The following CYRIB variants were observed in gnomAD, a reference collection of about 807,000 sequenced individuals.
The protein encoded by CYRIB is CYFIP related Rac1 interactor B.
A neutral mutation model predicts 44.2 loss-of-function variants in CYRIB; 8 were observed. The ratio of observed to expected loss-of-function variants is 0.18; its 90% CI spans 0.11 to 0.33. The LOEUF (loss-of-function observed/expected upper bound fraction) is 0.33, where lower values mean the gene tolerates loss of function less well. Among genes scored for constraint, CYRIB ranks in the 10% least tolerant of loss-of-function variants. The pLI is 1.00. For missense variants in CYRIB, 185 were observed against 382.8 expected, an observed-to-expected ratio of 0.48 and a Z score of 4.31; for synonymous variants, 131 against 127.2, an observed-to-expected ratio of 1.03 and a Z score of -0.20.
At chr8:129,967,270 G>A (rs1449224664) in intron 2 of CYRIB, among the ~76,000 whole-genome samples, 1 of 152,118 alleles carries the variant, frequency 6.6e-6, no homozygotes, top group African/African-American at 2.4e-5. Flanking sequence ...TGGTCATGGT[G>A]GAAGTATTTA....
chr8:129,885,440 G>A (rs2062356335), intron 2 of CYRIB, among the ~76,000 whole-genome samples: 1 of 152,188 alleles, frequency 6.6e-6, no homozygotes, highest in South Asian at 2.1e-4. Flanking sequence ...ACTGGCCAGT[G>A]AGAAGGAAGG....
At chr8:129,941,518 C>A (rs762479629), upstream of CYRIB, among the ~76,000 whole-genome samples, 1 of 152,254 alleles carries the variant, frequency 6.6e-6, no homozygotes, top group Non-Finnish European at 1.5e-5. Context: ...AGGCAATCCA[C>A]CTGCCTGAGC....
At chr8:129,986,818 A>C (rs962190301) in intron 1 of CYRIB, among the ~76,000 whole-genome samples, 2 of 152,210 alleles carry the variant, frequency 1.3e-5, no homozygotes, top group Non-Finnish European at 2.9e-5. Context: ...CGGACAAGAC[A>C]CCAGGCAAAA....
At chr8:129,950,223 A>T (rs1045555621) in intron 2 of CYRIB, among the ~76,000 whole-genome samples, 4 of 152,102 alleles carry the variant, frequency 2.6e-5, no homozygotes, top group Non-Finnish European at 4.4e-5. Flanking sequence ...TGACAGTCAG[A>T]CCCCGGGCTT....
intron 1 of CYRIB, among the ~76,000 whole-genome samples, chr8:129,988,773 G>A (rs2096547953): frequency 6.6e-6 from 1 of 152,004 alleles, no homozygotes; most frequent in African/African-American, 2.4e-5. Context: ...ATTATGGCGG[G>A]TGGGGTTTTT....
intron 7 of CYRIB, 69 bp from the exon 10 acceptor site, chr8:129,852,347 A>G (rs1293527914): frequency 1.1e-6 from 1 of 946,900 alleles, no homozygotes; most frequent in African/African-American, 1.7e-5. Context: ...TTATACAAGG[A>G]CCCAGGCAGG....
chr8:129,984,536 C>T (rs1486841858), intron 1 of CYRIB, among the ~76,000 whole-genome samples: 2 of 152,180 alleles, frequency 1.3e-5, no homozygotes, highest in Admixed American at 1.3e-4. Flanking sequence ...CACAGGAACA[C>T]TGGGCTCTAG....
upstream of CYRIB, among the ~76,000 whole-genome samples, chr8:129,940,730 G>T (rs144347716): frequency 6.6e-6 from 1 of 152,238 alleles, no homozygotes; most frequent in African/African-American, 2.4e-5. Flanking sequence ...TCCCAGGGTT[G>T]TTTTCAGTTT....
At position 129,852,933 on chromosome 8, in the gene CYRIB, C is replaced by T. The variant is rs149358283; in HGVS notation, c.517-655G>A. Among the ~76,000 whole-genome samples the T allele has an allele frequency of 3.9e-5, 6 of 152,250 alleles. No homozygotes were observed. The East Asian group carries it at 1.2e-3, about 29-fold the overall frequency. ...TCAGTGTGTTAGATGAAAGGAATGA[C>T]AACTAAGTCAGTTTCCTAAAGAAAA... On this transcript the variant is annotated intron_variant, in intron 7 of 11. Transcript: ENST00000519824.
At chr8:129,963,096 G>T (rs1345182077) in intron 2 of CYRIB, among the ~76,000 whole-genome samples, 1 of 152,170 alleles carries the variant, frequency 6.6e-6, no homozygotes, top group Non-Finnish European at 1.5e-5. Flanking sequence ...TGAACTACTG[G>T]AACAGTGGCC....
chr8:130,016,860 G>A (rs976901622), upstream of CYRIB, among the ~76,000 whole-genome samples: 2 of 152,064 alleles, frequency 1.3e-5, no homozygotes, highest in Non-Finnish European at 1.5e-5. Flanking sequence ...CTGCGATTGG[G>A]GGTCATCGCC....
intron 2 of CYRIB, among the ~76,000 whole-genome samples, chr8:129,886,621 A>G (rs1234543724): frequency 6.6e-6 from 1 of 152,044 alleles, no homozygotes; most frequent in East Asian, 1.9e-4. Context: ...TGTGGCTTTT[A>G]TCCCCATCCC....
At chr8:129,922,874 CA>C (rs1007139741) in intron 1 of CYRIB, among the ~76,000 whole-genome samples, 1 of 147,038 alleles carries the variant, frequency 6.8e-6, no homozygotes, top group Non-Finnish European at 1.5e-5. Context: ...AAAAAAAAAA[CA>C]AAAAAAGATG....
At chr8:129,936,755 G>A (rs1342167697) in intron 1 of CYRIB, among the ~76,000 whole-genome samples, 1 of 144,640 alleles carries the variant, frequency 6.9e-6, no homozygotes, top group Non-Finnish European at 1.5e-5. Context: ...CGCCCAGGCT[G>A]GAGTGCAGTG....
chr8:129,871,839 CTA>C (rs2057345022), intron 3 of CYRIB, among the ~76,000 whole-genome samples: 1 of 152,082 alleles, frequency 6.6e-6, no homozygotes, highest in African/African-American at 2.4e-5. Context: ...ACATTCATCA[CTA>C]TCACTGTAAA....
At chr8:129,955,209 T>A (rs1160185844) in intron 2 of CYRIB, among the ~76,000 whole-genome samples, 1 of 142,242 alleles carries the variant, frequency 7.0e-6, no homozygotes, top group African/African-American at 2.7e-5. Context: ...GCCAAGATCG[T>A]GCCACTGCAC....
At chr8:129,893,819 C>T (rs2066568804) in intron 2 of CYRIB, among the ~76,000 whole-genome samples, 2 of 150,558 alleles carry the variant, frequency 1.3e-5, no homozygotes, top group African/African-American at 4.9e-5. Flanking sequence ...AGGCATGAGC[C>T]ATCACACTAG....
intron 1 of CYRIB, among the ~76,000 whole-genome samples, chr8:130,005,370 G>C (rs946264015): frequency 6.6e-6 from 1 of 152,140 alleles, no homozygotes; most frequent in Non-Finnish European, 1.5e-5. Flanking sequence ...AGGCTATCTG[G>C]TCAAAAGAAC....
At chr8:129,875,381 T>A (rs77869638) in intron 3 of CYRIB, among the ~76,000 whole-genome samples, 5,545 of 150,748 alleles carry the variant, frequency 0.037, 291 homozygotes, top group African/African-American at 0.12. Context: ...AATTAAAAAA[T>A]TTTTTTTTTC....
Sources: allele counts gnomAD v4.1 joint callset (sites outside exome capture counted in the v4.1 genomes callset), GRCh38; gene constraint gnomAD v4.1.1; transcripts MANE v1.5; gene names NCBI Gene and HGNC (gene_info 2026-07-23, HGNC 2026-07-21).